TGFBR3: variants seen among roughly 807,000 people sequenced by gnomAD.
TGFBR3 encodes transforming growth factor beta receptor 3, also known as transforming growth factor beta receptor type 3.
TGFBR3 carries 46 observed loss-of-function variants against 87.9 expected under a neutral mutation model. The ratio of observed to expected loss-of-function variants is 0.52; its 90% CI spans 0.41 to 0.67. The LOEUF is 0.67. TGFBR3 is among the 30% of genes least tolerant of loss of function. TGFBR3 has a pLI of 0.00. For missense variants in TGFBR3, 866 were observed against 1,041.9 expected (o/e 0.83, Z 2.32); for synonymous variants, 381 against 391.6 (o/e 0.97, Z 0.32).
At chr1:91,696,276 G>A (rs1006576409) in intron 15 of TGFBR3, among the ~76,000 whole-genome samples, 1 of 152,144 alleles carries the variant, frequency 6.6e-6, no homozygotes, top group African/African-American at 2.4e-5. Flanking sequence ...ACATTTACAA[G>A]TATGAAAGAT....
intron 1 of TGFBR3, among the ~76,000 whole-genome samples, chr1:91,876,677 G>A (rs747398869): frequency 2.6e-4 from 39 of 152,098 alleles, no homozygotes; most frequent in Non-Finnish European, 4.3e-4. Context: ...GCTGGGTCCC[G>A]GAACACTGGA....
intron 2 of TGFBR3, among the ~76,000 whole-genome samples, chr1:91,897,506 T>G (rs1297157717): frequency 6.6e-6 from 1 of 152,200 alleles, no homozygotes; most frequent in Non-Finnish European, 1.5e-5. Context: ...CAAACCAACC[T>G]CATAATTACA....
chr1:91,846,222 C>A (rs566529579), intron 2 of TGFBR3, among the ~76,000 whole-genome samples: 1 of 152,298 alleles, frequency 6.6e-6, no homozygotes, highest in Non-Finnish European at 1.5e-5. Context: ...GTCTCTCTGC[C>A]AACTTTCTCC....
In TGFBR3 at chr1:91,708,703, A is replaced by G. The variant is rs284878; in HGVS notation, c.2247T>C (p.Thr749=). The G allele has an allele frequency of 0.94, 1,514,583 of 1,614,092 alleles. 711,345 individuals carry two copies. Among genetic ancestry groups the G allele is most frequent in the Admixed American group, 0.96 (57,512 of 60,012 alleles). ...WAMMQNKKTF[T]KPLAVIHHEA... ...CATGGTGGATCACAGCAAGGGGCTTAGTGAACGTCTTCTTATTCTGCATCA... is the reference window on the plus strand; with the variant it reads ...CATGGTGGATCACAGCAAGGGGCTTGGTGAACGTCTTCTTATTCTGCATCA... Residue 749 remains threonine, a synonymous_variant, in exon 14 of 17, where the codon ACT becomes ACC. Coordinates refer to ENST00000212355, the MANE Select transcript of TGFBR3 (RefSeq NM_003243.5).
intron 15 of TGFBR3, among the ~76,000 whole-genome samples, chr1:91,696,491 T>C (rs909733027): frequency 6.6e-5 from 10 of 152,256 alleles, no homozygotes; most frequent in African/African-American, 2.2e-4. Context: ...GTCAGTTTTA[T>C]GGTCAGCAAA....
chr1:91,751,704 C>T (rs1673547238), intron 4 of TGFBR3, among the ~76,000 whole-genome samples: 1 of 151,984 alleles, frequency 6.6e-6, no homozygotes, highest in Admixed American at 6.6e-5. Context: ...CATCCCTCCC[C>T]GCTTCTTGAA....
At chr1:91,764,806 T>C (rs1674114390) in intron 3 of TGFBR3, among the ~76,000 whole-genome samples, 1 of 152,156 alleles carries the variant, frequency 6.6e-6, no homozygotes, top group Admixed American at 6.5e-5. Flanking sequence ...ACCACAGTGC[T>C]CCGGATGGAC....
At chr1:91,777,589 C>T (rs1216359088) in intron 3 of TGFBR3, among the ~76,000 whole-genome samples, 1 of 151,626 alleles carries the variant, frequency 6.6e-6, no homozygotes, top group Non-Finnish European at 1.5e-5. Flanking sequence ...AGCCCCAACC[C>T]CAGCTCTAGC....
intron 3 of TGFBR3, among the ~76,000 whole-genome samples, chr1:91,759,259 A>T (rs1673865559): frequency 1.3e-5 from 2 of 152,104 alleles, no homozygotes; most frequent in Admixed American, 1.3e-4. Flanking sequence ...AAGCTGAGAA[A>T]AAGCGGCTGC....
chr1:91,697,970 G>A, intron 15 of TGFBR3, 119 bp downstream of exon 15: 1 of 912,356 alleles, frequency 1.1e-6, no homozygotes. Context: ...AAGGGGGAAG[G>A]GGGAATGAGA....
chr1:91,899,792 C>T (rs1030736956), intron 1 of TGFBR3: 2 of 152,010 alleles, frequency 1.3e-5, no homozygotes, highest in African/African-American at 4.8e-5. Flanking sequence ...TCCTGAAATA[C>T]CAAGAAACTG....
chr1:91,851,838 C>A (rs1423917794), intron 2 of TGFBR3, among the ~76,000 whole-genome samples: 1 of 152,236 alleles, frequency 6.6e-6, no homozygotes, highest in Non-Finnish European at 1.5e-5. Context: ...AACCTCGATT[C>A]TCTTGACTTG....
intron 1 of TGFBR3, 38 bp from the exon 2 acceptor site, chr1:91,861,682 A>T: frequency 1.5e-6 from 1 of 687,882 alleles, no homozygotes; most frequent in Non-Finnish European, 2.7e-6. Context: ...TTAATGAAGA[A>T]ACTTCATAAA....
intron 3 of TGFBR3, among the ~76,000 whole-genome samples, chr1:91,794,884 C>A (rs535077236): frequency 6.6e-6 from 1 of 152,202 alleles, no homozygotes; most frequent in Non-Finnish European, 1.5e-5. Flanking sequence ...TCACTTCTCT[C>A]GGGTATATAC....
At chr1:91,743,109 T>C (rs4658112) in intron 4 of TGFBR3, among the ~76,000 whole-genome samples, 97,118 of 151,988 alleles carry the variant, frequency 0.64, 31,235 homozygotes, top group East Asian at 0.74. Flanking sequence ...GAGTGAAGTG[T>C]ACAAGTCCCA....
rs562110159 is a variant in TGFBR3, at chr1:91,780,880, GAAC to G, written c.246+16404_246+16406del. 3.3e-3 allele frequency among the ~76,000 whole-genome samples: 431 copies of G among 131,914 alleles called. 1 individual carries two copies. The highest frequency in any genetic ancestry group is 0.012 in the Middle Eastern group (3 of 250). 86.5% of individuals were successfully genotyped at this position (131,914 alleles called of 152,430 possible). A position where few individuals can be genotyped will look rare whatever the true frequency, so the allele number is the denominator to read the frequency against. On this transcript the variant is annotated intron_variant, in intron 3 of 16. Transcript: ENST00000212355. ...GCCTTCCTAAGGCTTTTAAACTAGA[GAAC>G]TACACACACACACACACACACACAC...
intron 4 of TGFBR3, among the ~76,000 whole-genome samples, chr1:91,752,884 G>C (rs769248629): frequency 2.6e-5 from 4 of 151,796 alleles, no homozygotes; most frequent in Non-Finnish European, 4.4e-5. Flanking sequence ...AAAATTAGCT[G>C]GGTGTGGGGG....
At chr1:91,867,913 ATTTT>A (rs1678444714) in intron 1 of TGFBR3, among the ~76,000 whole-genome samples, 1 of 152,076 alleles carries the variant, frequency 6.6e-6, no homozygotes, top group Non-Finnish European at 1.5e-5. Flanking sequence ...CACACAGTCT[ATTTT>A]ATTTTATTCT....
At chr1:91,694,153 T>C (rs1368796054) in intron 16 of TGFBR3, among the ~76,000 whole-genome samples, 1 of 152,156 alleles carries the variant, frequency 6.6e-6, no homozygotes, top group African/African-American at 2.4e-5. Context: ...CACCACGCCA[T>C]GCTAGTTTTT....
Sources: allele counts gnomAD v4.1 joint callset (sites outside exome capture counted in the v4.1 genomes callset), GRCh38; gene constraint gnomAD v4.1.1; transcripts MANE v1.5; gene names NCBI Gene and HGNC (gene_info 2026-07-23, HGNC 2026-07-21).